The following SRFBP1 variants were observed in gnomAD, a reference collection of about 807,000 sequenced individuals.
SRFBP1 encodes the protein serum response factor binding protein 1, also known as serum response factor-binding protein 1.
SRFBP1 carries 47 observed loss-of-function variants against 45.5 expected under a neutral mutation model. That is an observed-to-expected ratio of 1.03 (90% confidence interval 0.82 to 1.32). SRFBP1 has a LOEUF of 1.32. Ranked by LOEUF, SRFBP1 falls within the 40% of genes most tolerant of loss-of-function variation. The pLI, the probability that SRFBP1 is intolerant of heterozygous loss-of-function variation, is 0.00. For missense variants in SRFBP1, 621 were observed against 484.6 expected, an observed-to-expected ratio of 1.28 and a Z score of -2.64; for synonymous variants, 203 against 166.3, an observed-to-expected ratio of 1.22 and a Z score of -1.70.
intron 7 of SRFBP1, among the ~76,000 whole-genome samples, chr5:122,023,750 G>GT (rs1753411764): frequency 1.3e-5 from 2 of 152,104 alleles, no homozygotes; most frequent in South Asian, 4.1e-4. Flanking sequence ...TTCAGCAGAG[G>GT]TTTTTTCCAT....
intron 2 of SRFBP1, among the ~76,000 whole-genome samples, chr5:122,043,850 A>AT (rs922439556): frequency 6.6e-6 from 1 of 151,972 alleles, no homozygotes; most frequent in African/African-American, 2.4e-5. Flanking sequence ...TATTCATTAA[A>AT]TTTTTTTTAT....
intron 7 of SRFBP1, 38 bp from the exon 8 acceptor site, chr5:122,026,904 A>C (rs1289507480): frequency 7.0e-7 from 1 of 1,424,860 alleles, no homozygotes; most frequent in African/African-American, 1.4e-5. Context: ...ATGCTCTTTA[A>C]GTATATAGTT....
intron 4 of SRFBP1, among the ~76,000 whole-genome samples, chr5:122,009,265 T>C (rs550914941): frequency 6.6e-6 from 1 of 152,264 alleles, no homozygotes; most frequent in African/African-American, 2.4e-5. Context: ...TTTATACGAG[T>C]TCTTTAGATA....
At chr5:122,041,856 T>C (rs541305666) in intron 2 of SRFBP1, among the ~76,000 whole-genome samples, 5 of 152,208 alleles carry the variant, frequency 3.3e-5, no homozygotes, top group Non-Finnish European at 7.4e-5. Flanking sequence ...ATAATAGCAA[T>C]GATATTAGAC....
chr5:122,056,151 A>G (rs1293201342), intron 2 of SRFBP1, among the ~76,000 whole-genome samples: 2 of 152,080 alleles, frequency 1.3e-5, no homozygotes, highest in Non-Finnish European at 2.9e-5. Context: ...TGCCCGTTCT[A>G]TCTTCTCTCT....
intron 2 of SRFBP1, chr5:122,064,198 T>C (rs191643838): frequency 6.6e-5 from 10 of 152,132 alleles, no homozygotes; most frequent in African/African-American, 2.4e-4. Context: ...TTTTTTAAAA[T>C]GTATTTAGAG....
intron 2 of SRFBP1, among the ~76,000 whole-genome samples, chr5:122,057,723 A>G (rs1023812368): frequency 6.6e-6 from 1 of 152,090 alleles, no homozygotes; most frequent in Non-Finnish European, 1.5e-5. Flanking sequence ...TGAAACTCTG[A>G]TGGAGAATTT....
chr5:122,047,215 A>C (rs1753878129), intron 2 of SRFBP1, among the ~76,000 whole-genome samples: 1 of 152,126 alleles, frequency 6.6e-6, no homozygotes, highest in Non-Finnish European at 1.5e-5. Flanking sequence ...TCTTGAATTA[A>C]TTTTTGTATA....
At chr5:121,975,491 G>C in intron 3 of SRFBP1, 104 bp downstream of exon 3, 1 of 1,206,302 alleles carries the variant, frequency 8.3e-7, no homozygotes. Flanking sequence ...CCCGAGAGTT[G>C]CGTAAGACAT....
intron 2 of SRFBP1, among the ~76,000 whole-genome samples, chr5:122,067,277 A>G (rs1033410195): frequency 1.3e-5 from 2 of 151,960 alleles, no homozygotes; most frequent in Non-Finnish European, 2.9e-5. Context: ...ATAAACTACC[A>G]ATTTCCAAAC....
chr5:122,069,947 A>G (rs767464063), intron 2 of SRFBP1: 2 of 848,324 alleles, frequency 2.4e-6, no homozygotes, highest in Non-Finnish European at 2.1e-6. Flanking sequence ...TCTGCTTACA[A>G]GAAAGCTGCT....
intron 4 of SRFBP1, among the ~76,000 whole-genome samples, chr5:122,010,724 T>TTTTA (rs35439923): frequency 0.25 from 38,333 of 151,792 alleles, 6,000 homozygotes; most frequent in African/African-American, 0.45. Context: ...TCCCATAAAA[T>TTTTA]TTTAATTTTC....
At chr5:122,006,206 A>G (rs145331838) in intron 4 of SRFBP1, among the ~76,000 whole-genome samples, 2 of 152,116 alleles carry the variant, frequency 1.3e-5, no homozygotes, top group African/African-American at 4.8e-5. Context: ...CACTTTGAAT[A>G]TATCATCCCA....
At chr5:122,015,417 C>G (rs1464627877) in intron 4 of SRFBP1, among the ~76,000 whole-genome samples, 1 of 152,066 alleles carries the variant, frequency 6.6e-6, no homozygotes, top group Non-Finnish European at 1.5e-5. Flanking sequence ...TTTCTTTCTT[C>G]CTGATTTTTT....
chr5:122,074,401 T>A (rs1182359360), intron 2 of SRFBP1, among the ~76,000 whole-genome samples: 1 of 152,202 alleles, frequency 6.6e-6, no homozygotes, highest in Admixed American at 6.5e-5. Context: ...AGTTCAGTAT[T>A]TTGCTTTCTT....
At chr5:122,049,709 A>G (rs891758822) in intron 2 of SRFBP1, among the ~76,000 whole-genome samples, 1 of 152,202 alleles carries the variant, frequency 6.6e-6, no homozygotes, top group Non-Finnish European at 1.5e-5. Flanking sequence ...ACTAGAACTC[A>G]GGATTAAGAA....
At chr5:121,994,136 T>A (rs1266078412) in intron 3 of SRFBP1, among the ~76,000 whole-genome samples, 1 of 152,052 alleles carries the variant, frequency 6.6e-6, no homozygotes, top group Non-Finnish European at 1.5e-5. Context: ...TATTTCTATT[T>A]CCTTTATTTC....
At chr5:121,995,524 G>C (rs2112676529) in intron 4 of SRFBP1, among the ~76,000 whole-genome samples, 1 of 152,142 alleles carries the variant, frequency 6.6e-6, no homozygotes, top group South Asian at 2.1e-4. Flanking sequence ...AGTGTGTAGA[G>C]GGAAATTTAT....
chr5:122,005,107 A>G (rs1255426241), intron 4 of SRFBP1, among the ~76,000 whole-genome samples: 3 of 152,142 alleles, frequency 2.0e-5, no homozygotes, highest in Non-Finnish European at 4.4e-5. Context: ...GTTCTTGAGA[A>G]GAAGTATTCT....
Sources: allele counts gnomAD v4.1 joint callset (sites outside exome capture counted in the v4.1 genomes callset), GRCh38; gene constraint gnomAD v4.1.1; transcripts MANE v1.5; gene names NCBI Gene and HGNC (gene_info 2026-07-23, HGNC 2026-07-21).